Variants in RIN3 observed in about 807,000 individuals in gnomAD.
RIN3 encodes RAB5 interacting protein 3.
In RIN3, 54 loss-of-function variants were observed where a neutral mutation model predicts 76.3. That is an observed-to-expected ratio of 0.71 (90% confidence interval 0.57 to 0.89). The LOEUF is 0.89. Ranked by LOEUF, RIN3 falls within the 40% of genes least tolerant of loss-of-function variation. The pLI is 0.00. For missense variants in RIN3, 1,256 were observed against 1,322.1 expected (o/e 0.95, Z 0.78); for synonymous variants, 576 against 564.0 (o/e 1.02, Z -0.30).
chr14:92,621,539 G>T lies in RIN3; in HGVS notation c.440+6060G>T, dbSNP rs144503036. Among the ~76,000 whole-genome samples the T allele has an allele frequency of 3.9e-5, 6 of 152,322 alleles. No individual in the cohort carries two copies. In the East Asian group the frequency reaches 1.2e-3, roughly 29 times the overall value. The stretch of plus-strand genomic sequence containing the variant: ...AGAAAGGTGGGACAACTTGAAAACT[G>T]TTGGGGGTGGGGAGCAGTGTTCCAG... On this transcript the variant is annotated intron_variant, in intron 4 of 9. Transcript: ENST00000216487.
At chr14:92,673,755 G>A (rs563999261) in intron 7 of RIN3, among the ~76,000 whole-genome samples, 1 of 152,258 alleles carries the variant, frequency 6.6e-6, no homozygotes, top group Non-Finnish European at 1.5e-5. Flanking sequence ...ATCCGCATGC[G>A]TCGGCCTCCC....
At chr14:92,651,512 A>AACCCCCCC in intron 5 of RIN3, 70 bp from the exon 6 acceptor site, 3 of 741,954 alleles carry the variant, frequency 4.0e-6, no homozygotes, top group East Asian at 4.0e-5. Flanking sequence ...CCGCCCACAG[A>AACCCCCCC]CCCCGCCCAG....
intron 3 of RIN3, among the ~76,000 whole-genome samples, chr14:92,589,081 T>G (rs1422178197): frequency 6.6e-6 from 1 of 152,172 alleles, no homozygotes; most frequent in African/African-American, 2.4e-5. Flanking sequence ...GCTACTTAGG[T>G]GCACAGTGAA....
chr14:92,633,193 C>CGACAGGAA (rs898588248), intron 4 of RIN3, among the ~76,000 whole-genome samples: 3 of 152,082 alleles, frequency 2.0e-5, no homozygotes, highest in Non-Finnish European at 4.4e-5. Context: ...CCATCCTTGA[C>CGACAGGAA]GACAGGAAGA....
At chr14:92,531,502 C>T (rs192988136) in intron 1 of RIN3, among the ~76,000 whole-genome samples, 60 of 152,326 alleles carry the variant, frequency 3.9e-4, no homozygotes, top group African/African-American at 1.3e-3. Flanking sequence ...GCTGGGGGTG[C>T]GGAATCCACT....
intron 2 of RIN3, among the ~76,000 whole-genome samples, chr14:92,573,959 G>A (rs577821465): frequency 1.3e-5 from 2 of 152,340 alleles, no homozygotes; most frequent in African/African-American, 4.8e-5. Context: ...GCCTCTGAGC[G>A]GAGAGCCAGG....
chr14:92,552,310 G>C (rs1026844876), intron 1 of RIN3, among the ~76,000 whole-genome samples: 1 of 152,192 alleles, frequency 6.6e-6, no homozygotes, highest in Admixed American at 6.5e-5. Context: ...TGGGGCTGCC[G>C]GGCTGGGAAG....
rs768042067 is a variant in RIN3 at position 92,652,630 on chromosome 14, C to T, written c.1581C>T (p.Phe527=). 9.3e-6 allele frequency: 15 copies of T among 1,611,080 alleles called. No individual in the cohort carries two copies. The highest frequency in any genetic ancestry group is 7.7e-5 in the South Asian group (7 of 91,078). Residue 527 remains phenylalanine, a synonymous_variant, in exon 6 of 10, where the codon TTC becomes TTT. Transcript: ENST00000216487. The surrounding 1 kb of genome is among the most constrained non-coding windows in gnomAD (Gnocchi z 6.4). ...CCCATTCCCAGAGCTCTCCAGAGTT[C>T]AAGGGCTCCCTGGCCTCCCTCTCAG... is the stretch of plus-strand genomic sequence containing the variant. ...ATAHSQSSPE[F]KGSLASLSDS...
chr14:92,537,456 A>C (rs1007627175), intron 1 of RIN3, among the ~76,000 whole-genome samples: 3 of 152,210 alleles, frequency 2.0e-5, no homozygotes, highest in Admixed American at 2.0e-4. Flanking sequence ...TCCAGTGAGC[A>C]CTTTTGTCTG....
At chr14:92,667,334 T>C (rs1030888609) in intron 7 of RIN3, among the ~76,000 whole-genome samples, 1 of 152,064 alleles carries the variant, frequency 6.6e-6, no homozygotes, top group Non-Finnish European at 1.5e-5. Context: ...CTGACCAACA[T>C]GGTGAAACTC....
chr14:92,585,646 G>GT (rs1884745123), intron 3 of RIN3, among the ~76,000 whole-genome samples: 2 of 152,212 alleles, frequency 1.3e-5, no homozygotes, highest in South Asian at 4.1e-4. Context: ...TTTGTTTGTT[G>GT]TTTGTTTTCA....
chr14:92,626,093 A>G (rs1294187120), intron 4 of RIN3, among the ~76,000 whole-genome samples: 1 of 152,104 alleles, frequency 6.6e-6, no homozygotes, highest in African/African-American at 2.4e-5. Flanking sequence ...GTTGTATGTC[A>G]AATGTTCGGG....
rs144419216 is a variant in RIN3 at position 92,648,688 on chromosome 14, A to C, written c.533-2894A>C. ...CTGGGAATACTCAGACAGCTGAAAG[A>C]TTTGACTGCCTTCTGGAAACTCTGA... On this transcript the variant is annotated intron_variant, in intron 5 of 9. Coordinates refer to ENST00000216487, the MANE Select transcript of RIN3 (RefSeq NM_024832.5). The surrounding 1 kb of genome is among the most constrained non-coding windows in gnomAD (Gnocchi z 4.1). Among the ~76,000 whole-genome samples, 443 of 152,334 alleles carry C rather than the reference A, an allele frequency of 2.9e-3. 12 individuals carry two copies. The South Asian group carries it at 0.043, about 15-fold the overall frequency.
chr14:92,655,896 C>T (rs1307700815), intron 6 of RIN3, among the ~76,000 whole-genome samples: 4 of 152,090 alleles, frequency 2.6e-5, no homozygotes, highest in African/African-American at 9.7e-5. Context: ...ACTGGAGATG[C>T]TTATTAGATA....
chr14:92,638,307 A>G (rs541660361), intron 4 of RIN3, among the ~76,000 whole-genome samples: 1 of 152,186 alleles, frequency 6.6e-6, no homozygotes, highest in Non-Finnish European at 1.5e-5. Context: ...GAGGAAGATA[A>G]GCGTGATCAT....
intron 4 of RIN3, among the ~76,000 whole-genome samples, chr14:92,618,688 C>T (rs562229632): frequency 2.6e-4 from 40 of 152,310 alleles, no homozygotes; most frequent in Admixed American, 2.3e-3. Context: ...TTTAAGTGGC[C>T]TCCAGGTGAC....
At chr14:92,569,778 TGG>T (rs1355079497) in intron 2 of RIN3, among the ~76,000 whole-genome samples, 2 of 151,962 alleles carry the variant, frequency 1.3e-5, no homozygotes, top group African/African-American at 4.8e-5. Flanking sequence ...CAGAGATCAG[TGG>T]GGGCTAGGGG....
At chr14:92,586,319 G>A (rs571566576) in intron 3 of RIN3, 2 of 152,318 alleles carry the variant, frequency 1.3e-5, no homozygotes, top group African/African-American at 4.8e-5. Context: ...AAAACCCATC[G>A]TTTCCTGCAA....
In RIN3 at chr14:92,651,956, C is replaced by T; in HGVS notation, c.907C>T (p.Leu303Phe). The change falls in exon 6 of 10, where the codon CTT becomes TTT. Residue 303 changes from leucine to phenylalanine, a missense_variant. Transcript: ENST00000216487. ...AGCCCAGCCCCCTGTGCTCCCTGCT[C>T]TTGCCCCCGCCCCTGCCTGTCCTTT... is the stretch of plus-strand genomic sequence containing the variant. ...SPAQPPVLPALAPAPACPLPT... is the reference protein window; with the variant it reads ...SPAQPPVLPAFAPAPACPLPT... The T allele has an allele frequency of 6.6e-7, 1 of 1,510,292 alleles. No individual in the cohort carries two copies. The highest frequency in any genetic ancestry group is 8.9e-7 in the Non-Finnish European group (1 of 1,120,886). 93.6% of individuals were successfully genotyped at this position (1,510,292 alleles called of 1,614,324 possible).
Sources: allele counts gnomAD v4.1 joint callset (sites outside exome capture counted in the v4.1 genomes callset), GRCh38; gene constraint gnomAD v4.1.1; non-coding constraint Gnocchi (gnomAD v3.1); transcripts MANE v1.5; gene names NCBI Gene and HGNC (gene_info 2026-07-23, HGNC 2026-07-21).